The following ARNT variants were observed in gnomAD, a reference collection of about 807,000 sequenced individuals.
The protein encoded by ARNT is aryl hydrocarbon receptor nuclear translocator.
Under a neutral mutation model 105.0 loss-of-function variants are expected in ARNT, and 30 were observed. The ratio of observed to expected loss-of-function variants is 0.29; its 90% CI spans 0.21 to 0.39. ARNT has a LOEUF of 0.39. ARNT is among the 10% of genes least tolerant of loss of function. The pLI, the probability that ARNT is intolerant of heterozygous loss-of-function variation, is 1.00. For synonymous variants in ARNT, 304 were observed against 344.0 expected, an observed-to-expected ratio of 0.88 and a Z score of 1.29; for missense variants, 748 against 978.7, an observed-to-expected ratio of 0.76 and a Z score of 3.15.
intron 1 of ARNT, among the ~76,000 whole-genome samples, chr1:150,867,277 C>G (rs587768678): frequency 1.3e-5 from 2 of 151,772 alleles, no homozygotes; most frequent in African/African-American, 4.8e-5. Context: ...CACCTATAAT[C>G]CCAGCTACTA....
chr1:150,873,987 T>G (rs1405411461), intron 1 of ARNT, among the ~76,000 whole-genome samples: 1 of 127,548 alleles, frequency 7.8e-6, no homozygotes, highest in Non-Finnish European at 1.7e-5. Flanking sequence ...TGAAATATTT[T>G]TTAAAATCTT....
chr1:150,817,896 G>T, intron 15 of ARNT, 24 bp downstream of exon 15: 1 of 1,569,302 alleles, frequency 6.4e-7, no homozygotes, highest in Non-Finnish European at 8.7e-7. Context: ...CTGCTCAACA[G>T]ATGATTATTT....
intron 9 of ARNT, 101 bp downstream of exon 9, chr1:150,832,233 T>C (rs1470840380): frequency 1.6e-6 from 2 of 1,244,706 alleles, no homozygotes; most frequent in Non-Finnish European, 2.4e-6. Flanking sequence ...GGGATGCAAG[T>C]GAGAGCTGCT....
intron 20 of ARNT, 53 bp from the exon 21 acceptor site, chr1:150,813,391 T>G (rs1252241399): frequency 3.3e-6 from 5 of 1,518,608 alleles, no homozygotes; most frequent in Non-Finnish European, 4.4e-6. Context: ...AATTCCATTG[T>G]GTACTAATGC....
chr1:150,850,455 T>C (rs1277975721), intron 3 of ARNT, among the ~76,000 whole-genome samples: 1 of 152,240 alleles, frequency 6.6e-6, no homozygotes, highest in African/African-American at 2.4e-5. Flanking sequence ...CTGGTTTTCG[T>C]ATTTTTTTGG....
At chr1:150,856,292 T>C (rs1247255967) in intron 2 of ARNT, among the ~76,000 whole-genome samples, 4 of 151,734 alleles carry the variant, frequency 2.6e-5, no homozygotes, top group African/African-American at 9.7e-5. Context: ...ACAAAAAAAT[T>C]AGTCGGGCAT....
chr1:150,836,544 T>A (rs1221621529), intron 6 of ARNT, 51 bp from the exon 7 acceptor site: 3 of 1,549,168 alleles, frequency 1.9e-6, no homozygotes, highest in Non-Finnish European at 2.6e-6. Flanking sequence ...AAAAAACAAG[T>A]ATTTCTATTC....
At chr1:150,839,773 G>A in intron 5 of ARNT, 119 bp from the exon 6 acceptor site, 1 of 1,063,850 alleles carries the variant, frequency 9.4e-7, no homozygotes, top group Non-Finnish European at 1.4e-6. Context: ...ATTTAGTGAT[G>A]CTTAAGTCTC....
At chr1:150,830,449 A>G (rs778732427) in intron 10 of ARNT, 1 of 153,380 alleles carries the variant, frequency 6.5e-6, no homozygotes, top group African/African-American at 2.4e-5. Context: ...AAACAAGTAT[A>G]TAAAACTTAC....
chr1:150,853,893 A>T (rs1214267065), intron 2 of ARNT, among the ~76,000 whole-genome samples: 1 of 151,918 alleles, frequency 6.6e-6, no homozygotes, highest in Non-Finnish European at 1.5e-5. Context: ...CCTAGTGATC[A>T]CTCTTTTTAC....
chr1:150,849,395 TCTTA>T (rs1662891001), intron 3 of ARNT, among the ~76,000 whole-genome samples: 2 of 152,114 alleles, frequency 1.3e-5, no homozygotes, highest in African/African-American at 4.8e-5. Context: ...TCCTTTTGAG[TCTTA>T]CTGTTTTTCT....
intron 8 of ARNT, 73 bp from the exon 9 acceptor site, chr1:150,832,472 A>G: frequency 7.3e-7 from 1 of 1,377,310 alleles, no homozygotes; most frequent in Non-Finnish European, 1.0e-6. Context: ...TAATAGCAGA[A>G]TAACATGCTC....
chr1:150,832,203 G>C (rs587717067), intron 9 of ARNT, 131 bp downstream of exon 9: 1 of 910,154 alleles, frequency 1.1e-6, no homozygotes, highest in South Asian at 1.5e-5. Context: ...GGGAGGTAAG[G>C]GATGTTAAGT....
chr1:150,850,041 G>A (rs774767100), intron 3 of ARNT, among the ~76,000 whole-genome samples: 1 of 152,150 alleles, frequency 6.6e-6, no homozygotes, highest in Non-Finnish European at 1.5e-5. Context: ...AACAGAGGAA[G>A]ACTCTGTCTC....
chr1:150,871,097 A>C (rs1667349307), intron 1 of ARNT, among the ~76,000 whole-genome samples: 1 of 152,148 alleles, frequency 6.6e-6, no homozygotes, highest in Non-Finnish European at 1.5e-5. Flanking sequence ...AGTTGGAGAC[A>C]GTTGCTACAG....
intron 1 of ARNT, among the ~76,000 whole-genome samples, chr1:150,865,602 C>T (rs914123374): frequency 2.3e-4 from 35 of 152,120 alleles, no homozygotes; most frequent in Admixed American, 1.3e-3. Flanking sequence ...GGCAACTACC[C>T]CTCTCCATTC....
At chr1:150,871,907 C>CAAAAAAA (rs776523588) in intron 1 of ARNT, among the ~76,000 whole-genome samples, 1 of 40,084 alleles carries the variant, frequency 2.5e-5, no homozygotes, top group African/African-American at 1.1e-4. Context: ...GACCCTGTCT[C>CAAAAAAA]AAAAAAAAAA....
At chr1:150,866,327 A>G (rs2102413237) in intron 1 of ARNT, among the ~76,000 whole-genome samples, 2 of 152,324 alleles carry the variant, frequency 1.3e-5, no homozygotes, top group Admixed American at 1.3e-4. Flanking sequence ...CTACTGAGAA[A>G]AAAGACCAAT....
intron 1 of ARNT, among the ~76,000 whole-genome samples, chr1:150,860,216 T>A (rs201786361): frequency 1.4e-5 from 1 of 73,408 alleles, no homozygotes; most frequent in Admixed American, 1.6e-4. Flanking sequence ...AAAAAAAAAA[T>A]TCTTTTTTTT....
Sources: gnomAD v4.1 joint callset for allele counts (sites outside exome capture counted in the v4.1 genomes callset) on GRCh38, gnomAD v4.1.1 for gene constraint, MANE v1.5 for transcripts, NCBI Gene and HGNC (gene_info 2026-07-23, HGNC 2026-07-21) for gene names.